Variants in GSTCD observed in about 807,000 individuals in gnomAD.
GSTCD encodes the protein glutathione S-transferase C-terminal domain containing.
Under a neutral mutation model 68.3 loss-of-function variants are expected in GSTCD, and 44 were observed. The ratio of observed to expected loss-of-function variants is 0.64; its 90% confidence interval spans 0.51 to 0.83. The LOEUF (loss-of-function observed/expected upper bound fraction) is 0.83, where lower values mean the gene tolerates loss of function less well. Ranked by LOEUF, GSTCD falls within the 40% of genes least tolerant of loss-of-function variation. The pLI, the probability that GSTCD is intolerant of heterozygous loss-of-function variation, is 0.00. For missense variants in GSTCD, 739 were observed against 735.9 expected, an observed-to-expected ratio of 1.00 and a Z score of -0.05; for synonymous variants, 273 against 255.2, an observed-to-expected ratio of 1.07 and a Z score of -0.67.
chr4:105,833,353 C>T (rs1723978186), intron 8 of GSTCD, among the ~76,000 whole-genome samples: 1 of 151,896 alleles, frequency 6.6e-6, no homozygotes, highest in South Asian at 2.1e-4. Flanking sequence ...ATCCCAGCTA[C>T]TCGGGAGGCT....
chr4:105,828,997 C>T (rs1356825016), intron 8 of GSTCD, among the ~76,000 whole-genome samples: 1 of 151,842 alleles, frequency 6.6e-6, no homozygotes, highest in East Asian at 1.9e-4. Context: ...TGGTGATGTG[C>T]CATACCAAGA....
At chr4:105,728,276 T>C (rs1733107251) in intron 4 of GSTCD, among the ~76,000 whole-genome samples, 1 of 152,176 alleles carries the variant, frequency 6.6e-6, no homozygotes, top group African/African-American at 2.4e-5. Context: ...TTTAAAAGGA[T>C]AAATTATATG....
chr4:105,830,155 G>A (rs938877521), intron 8 of GSTCD, among the ~76,000 whole-genome samples: 6 of 152,110 alleles, frequency 3.9e-5, no homozygotes, highest in African/African-American at 1.2e-4. Flanking sequence ...TTTTGATAAA[G>A]TTAACTTACA....
chr4:105,727,707 G>A (rs1377426892), intron 4 of GSTCD, among the ~76,000 whole-genome samples: 2 of 150,960 alleles, frequency 1.3e-5, no homozygotes, highest in African/African-American at 4.9e-5. Context: ...AAAAAAGAAT[G>A]CATATGCTTT....
intron 5 of GSTCD, among the ~76,000 whole-genome samples, chr4:105,763,634 A>G (rs1375140787): frequency 3.3e-5 from 5 of 152,154 alleles, no homozygotes; most frequent in African/African-American, 4.8e-5. Flanking sequence ...TTACTATATC[A>G]TGTATCTTAT....
chr4:105,731,992 C>T (rs1314829622), intron 5 of GSTCD, among the ~76,000 whole-genome samples: 22 of 152,162 alleles, frequency 1.4e-4, no homozygotes, highest in East Asian at 1.9e-4. Context: ...TGCTGGATTA[C>T]GTTTATTGAT....
chr4:105,710,240 T>TA (rs1560787845), intron 1 of GSTCD, among the ~76,000 whole-genome samples: 3 of 139,128 alleles, frequency 2.2e-5, no homozygotes, highest in Non-Finnish European at 4.6e-5. Context: ...CAATTTTTTT[T>TA]TTTTTTTTTT....
At chr4:105,811,016 T>C (rs1177659541) in intron 5 of GSTCD, among the ~76,000 whole-genome samples, 2 of 152,138 alleles carry the variant, frequency 1.3e-5, no homozygotes, top group Non-Finnish European at 2.9e-5. Context: ...TAAAGCAATA[T>C]TTCCTGAAGT....
In GSTCD at chr4:105,847,093, C is replaced by A. The variant is rs1724577186; in HGVS notation, c.*1516C>A. ...CAGAATATGGAAGCTTACCTAAATT[C>A]TTTTTCTGCCAGCCAACATTTTAAA... On this transcript the variant is annotated 3_prime_UTR_variant, in exon 12 of 12. Transcript: ENST00000515279. The A allele has an allele frequency of 1.3e-5, 2 of 152,132 alleles. No individual in the cohort carries two copies. The highest frequency in any genetic ancestry group is 6.6e-5 in the Admixed American group (1 of 15,260). The allele number at this position is 152,132 out of a possible 1,614,324, so 9.4% of individuals were successfully genotyped here. A position where few individuals can be genotyped will look rare whatever the true frequency, so the allele number is the denominator to read the frequency against.
intron 5 of GSTCD, among the ~76,000 whole-genome samples, chr4:105,812,100 C>T (rs1204935992): frequency 6.6e-6 from 1 of 152,048 alleles, no homozygotes; most frequent in African/African-American, 2.4e-5. Context: ...TGTTTCAAAC[C>T]ATAAGAGGAC....
chr4:105,774,649 T>G (rs1023245648), intron 5 of GSTCD, among the ~76,000 whole-genome samples: 3 of 152,196 alleles, frequency 2.0e-5, no homozygotes, highest in Non-Finnish European at 4.4e-5. Flanking sequence ...GGTTGAAAAT[T>G]CTTTTCTTTA....
At chr4:105,765,495 A>C (rs933733213) in intron 5 of GSTCD, among the ~76,000 whole-genome samples, 1 of 152,230 alleles carries the variant, frequency 6.6e-6, no homozygotes, top group Non-Finnish European at 1.5e-5. Context: ...AGCGCAACTA[A>C]GAGATCTAGG....
At chr4:105,830,245 GA>G (rs985383001) in intron 8 of GSTCD, among the ~76,000 whole-genome samples, 5 of 150,356 alleles carry the variant, frequency 3.3e-5, no homozygotes, top group African/African-American at 4.9e-5. Flanking sequence ...TCCACAGAGG[GA>G]AAAAAAAATA....
chr4:105,845,703 G>T lies in GSTCD; in HGVS notation c.*126G>T. On this transcript the variant is annotated 3_prime_UTR_variant, in exon 12 of 12. Transcript: ENST00000515279. ...TCTTGAACCTATTGTGCTCAGGAAGGAAAGCAACAGGGAAATCTTGGAAGT... is the reference window on the plus strand; with the variant it reads ...TCTTGAACCTATTGTGCTCAGGAAGTAAAGCAACAGGGAAATCTTGGAAGT... 1.1e-6 allele frequency: 1 copy of T among 939,264 alleles called. No homozygotes were observed. 58.2% of individuals were successfully genotyped at this position (939,264 alleles called of 1,614,324 possible). A position where few individuals can be genotyped will look rare whatever the true frequency, so the allele number is the denominator to read the frequency against.
At position 105,775,357 on chromosome 4, in the gene GSTCD, G is replaced by A. The variant is rs969911068; in HGVS notation, c.1240+45858G>A. On this transcript the variant is annotated intron_variant, in intron 5 of 11. Transcript: ENST00000515279. ...TTCTGAATCCTACTTCTGTCAATTC[G>A]CCAAACTCATTTTCCATCCAGTTTT... Among the ~76,000 whole-genome samples, 12 of 152,048 alleles carry A rather than the reference G, an allele frequency of 7.9e-5. No homozygotes were observed. The East Asian group carries it at 1.9e-3, about 24-fold the overall frequency.
chr4:105,805,555 G>C (rs1722454027), intron 5 of GSTCD, among the ~76,000 whole-genome samples: 1 of 151,958 alleles, frequency 6.6e-6, no homozygotes, highest in Non-Finnish European at 1.5e-5. Context: ...CAGGTGGTTT[G>C]GGAACAGAGT....
At chr4:105,786,869 T>A (rs1267966672) in intron 5 of GSTCD, among the ~76,000 whole-genome samples, 2 of 152,066 alleles carry the variant, frequency 1.3e-5, no homozygotes, top group Admixed American at 1.3e-4. Context: ...GTGGATAAAT[T>A]AGCATCCTCA....
At chr4:105,790,039 A>C (rs1405539118) in intron 5 of GSTCD, among the ~76,000 whole-genome samples, 2 of 152,070 alleles carry the variant, frequency 1.3e-5, no homozygotes, top group Non-Finnish European at 2.9e-5. Context: ...AGTAGGGGAA[A>C]GATGCAGAGA....
intron 5 of GSTCD, among the ~76,000 whole-genome samples, chr4:105,750,492 C>T (rs1733976433): frequency 6.8e-6 from 1 of 147,674 alleles, no homozygotes; most frequent in Non-Finnish European, 1.5e-5. Context: ...AAAGTAACAA[C>T]ACTGAATGCT....
Sources: gnomAD v4.1 joint callset for allele counts (sites outside exome capture counted in the v4.1 genomes callset) on GRCh38, gnomAD v4.1.1 for gene constraint, MANE v1.5 for transcripts, NCBI Gene and HGNC (gene_info 2026-07-23, HGNC 2026-07-21) for gene names.